Variants in MTUS2 observed in about 807,000 individuals in gnomAD.
MTUS2 encodes microtubule-associated tumor suppressor candidate 2.
MTUS2 carries 40 observed loss-of-function variants against 114.1 expected under a neutral mutation model. That is an observed-to-expected ratio of 0.35 (90% confidence interval 0.27 to 0.46). The LOEUF (loss-of-function observed/expected upper bound fraction) is 0.46, where lower values mean the gene tolerates loss of function less well. Ranked by LOEUF, MTUS2 falls within the 20% of genes least tolerant of loss-of-function variation. The probability of loss-of-function intolerance (pLI) is 1.00; values close to 1 mark genes in which losing one functional copy is unlikely to be tolerated. For missense variants in MTUS2, 1,679 were observed against 1,705.4 expected, an observed-to-expected ratio of 0.98 and a Z score of 0.27; for synonymous variants, 688 against 672.0, an observed-to-expected ratio of 1.02 and a Z score of -0.37.
chr13:29,180,244 T>C (rs900589230), intron 5 of MTUS2, among the ~76,000 whole-genome samples: 4 of 152,214 alleles, frequency 2.6e-5, no homozygotes, highest in Admixed American at 6.5e-5. Flanking sequence ...CACTCAGAAC[T>C]ACAATCTTCC....
chr13:29,346,514 T>G (rs1868706622), intron 7 of MTUS2, among the ~76,000 whole-genome samples: 1 of 150,012 alleles, frequency 6.7e-6, no homozygotes, highest in African/African-American at 2.5e-5. Flanking sequence ...CCTTACCCAA[T>G]GCCCATACAG....
chr13:28,854,743 C>T (rs555845814), intron 2 of MTUS2, among the ~76,000 whole-genome samples: 12 of 152,212 alleles, frequency 7.9e-5, no homozygotes, highest in South Asian at 4.1e-4. Context: ...AGCTATATTC[C>T]GCTTTTCAGT....
intron 5 of MTUS2, among the ~76,000 whole-genome samples, chr13:29,210,615 G>C (rs914639758): frequency 2.0e-5 from 3 of 152,140 alleles, no homozygotes; most frequent in African/African-American, 7.2e-5. Flanking sequence ...TGTCCCACAG[G>C]GTGCTCGCTT....
chr13:28,949,924 T>G (rs776804441), intron 2 of MTUS2, among the ~76,000 whole-genome samples: 2 of 152,212 alleles, frequency 1.3e-5, no homozygotes, highest in Non-Finnish European at 2.9e-5. Context: ...TGTACAAATA[T>G]TTCTTTAGGA....
At chr13:29,266,124 C>T (rs900572804) in intron 5 of MTUS2, among the ~76,000 whole-genome samples, 7 of 152,096 alleles carry the variant, frequency 4.6e-5, no homozygotes, top group African/African-American at 1.7e-4. Flanking sequence ...GACTAAGGCT[C>T]CATGTTGTGT....
Position 29,025,482 on chromosome 13 carries a change from G to C in MTUS2, c.784G>C (p.Val262Leu). Residue 262 changes from valine (V) to leucine (L), a missense_variant, in exon 3 of 16, where the codon GTG becomes CTG. This residue lies in a region of MTUS2 where 843 missense variants were observed against 770.8 expected (regional missense o/e 1.09). Coordinates refer to ENST00000612955, the MANE Select transcript of MTUS2 (RefSeq NM_001033602.4). The part of the protein sequence containing the change: ...KQSTPSETQT[V>L]GAHVLQVCSE... Reference sequence around the variant, plus strand: ...GAGCACTCCCTCAGAGACCCAAACAGTGGGGGCACATGTACTGCAGGTGTG... The same window carrying C: ...GAGCACTCCCTCAGAGACCCAAACACTGGGGGCACATGTACTGCAGGTGTG... The C allele has an allele frequency of 6.2e-7, 1 of 1,613,514 alleles. No individual in the cohort carries two copies. Among genetic ancestry groups the C allele is most frequent in the Non-Finnish European group, 8.5e-7 (1 of 1,179,684 alleles).
At chr13:29,453,756 A>G (rs1293007553) in intron 9 of MTUS2, among the ~76,000 whole-genome samples, 4 of 130,192 alleles carry the variant, frequency 3.1e-5, no homozygotes, top group Admixed American at 7.3e-5. Flanking sequence ...CCATATGGCT[A>G]TCTCTAAGCA....
chr13:28,959,832 G>A (rs1883239719), intron 2 of MTUS2, among the ~76,000 whole-genome samples: 1 of 152,136 alleles, frequency 6.6e-6, no homozygotes, highest in Non-Finnish European at 1.5e-5. Context: ...GATTTGGAGG[G>A]GACAAAACGT....
At chr13:28,974,205 G>A (rs1883985411) in intron 2 of MTUS2, among the ~76,000 whole-genome samples, 1 of 152,168 alleles carries the variant, frequency 6.6e-6, no homozygotes, top group Non-Finnish European at 1.5e-5. Flanking sequence ...TGCTCTAGGG[G>A]AGTTTTGTTT....
intron 9 of MTUS2, among the ~76,000 whole-genome samples, chr13:29,453,764 GC>G (rs869163822): frequency 2.3e-5 from 3 of 129,540 alleles, no homozygotes; most frequent in African/African-American, 2.6e-5. Flanking sequence ...CTATCTCTAA[GC>G]AGGAGGAGTA....
At chr13:29,457,989 T>G (rs1398696070) in intron 9 of MTUS2, among the ~76,000 whole-genome samples, 1 of 152,228 alleles carries the variant, frequency 6.6e-6, no homozygotes, top group Non-Finnish European at 1.5e-5. Flanking sequence ...CCTGACCTCA[T>G]GATCCGCCTG....
chr13:29,456,609 C>G (rs1246576605), intron 9 of MTUS2, among the ~76,000 whole-genome samples: 5 of 152,008 alleles, frequency 3.3e-5, no homozygotes, highest in Admixed American at 6.6e-5. Flanking sequence ...TAAAAAGCAC[C>G]CAGTGAAGAC....
intron 8 of MTUS2, among the ~76,000 whole-genome samples, chr13:29,401,989 T>C (rs1387853394): frequency 6.6e-6 from 1 of 152,174 alleles, no homozygotes; most frequent in Non-Finnish European, 1.5e-5. Context: ...GAAATGGTAT[T>C]ACCTCATTTA....
At chr13:28,939,149 C>G (rs1221112965) in intron 2 of MTUS2, among the ~76,000 whole-genome samples, 1 of 152,196 alleles carries the variant, frequency 6.6e-6, no homozygotes, top group Non-Finnish European at 1.5e-5. Flanking sequence ...ATTGAGCTTT[C>G]CTAGTTCTTA....
chr13:28,946,272 CGTGTGTGTGT>C (rs58873985), intron 2 of MTUS2, among the ~76,000 whole-genome samples: 5,384 of 149,206 alleles, frequency 0.036, 121 homozygotes, highest in Admixed American at 0.045. Context: ...TTTCTGTCTG[CGTGTGTGTGT>C]GTGTGTGTGT....
intron 15 of MTUS2, among the ~76,000 whole-genome samples, chr13:29,501,887 ACT>A (rs374211517): frequency 8.6e-4 from 131 of 152,188 alleles, no homozygotes; most frequent in African/African-American, 3.0e-3. Flanking sequence ...ACTCAGGCAC[ACT>A]CTCATACACT....
chr13:29,402,295 C>G (rs1326573379), intron 8 of MTUS2, among the ~76,000 whole-genome samples: 1 of 152,164 alleles, frequency 6.6e-6, no homozygotes, highest in Non-Finnish European at 1.5e-5. Context: ...AAATAGCATG[C>G]TCTGTCCTGG....
chr13:29,277,570 A>G (rs1898111964), intron 5 of MTUS2, among the ~76,000 whole-genome samples: 1 of 152,260 alleles, frequency 6.6e-6, no homozygotes, highest in African/African-American at 2.4e-5. Context: ...CAAATAGACC[A>G]ATGAAACGGA....
rs559828596 is a variant in MTUS2, at chr13:28,959,580, C to A, written c.-242-64877C>A. The stretch of plus-strand genomic sequence containing the variant: ...TGCTTTTGGTGAGGGCCTCAGGAAG[C>A]TTCCACTCATGGCAGAAGATGAAGG... On this transcript the variant is annotated intron_variant, in intron 2 of 15. Transcript: ENST00000612955. Among the ~76,000 whole-genome samples the A allele has an allele frequency of 5.9e-5, 9 of 152,178 alleles. No homozygotes were observed. The South Asian group carries it at 1.9e-3, about 32-fold the overall frequency.
Sources: allele counts gnomAD v4.1 joint callset (sites outside exome capture counted in the v4.1 genomes callset), GRCh38; gene constraint gnomAD v4.1.1; regional missense constraint gnomAD v4.1.1; transcripts MANE v1.5; gene names NCBI Gene and HGNC (gene_info 2026-07-23, HGNC 2026-07-21).